SRCAP: variants seen among roughly 807,000 people sequenced by gnomAD.
The protein encoded by SRCAP is Snf2 related CREBBP activator protein.
In SRCAP, 46 loss-of-function variants were observed where a neutral mutation model predicts 263.1. The observed-to-expected ratio is 0.17, with a 90% CI of 0.14 to 0.22. The LOEUF (loss-of-function observed/expected upper bound fraction) is 0.22. SRCAP is among the 10% of genes least tolerant of loss of function. The probability of loss-of-function intolerance (pLI) is 1.00; values close to 1 mark genes in which losing one functional copy is unlikely to be tolerated. For synonymous variants in SRCAP, 1,813 were observed against 1,662.1 expected, an observed-to-expected ratio of 1.09 and a Z score of -2.21; for missense variants, 3,695 against 4,181.9, an observed-to-expected ratio of 0.88 and a Z score of 3.21.
In SRCAP at chr16:30,723,142, C is replaced by T. The variant is rs1297455262; in HGVS notation, c.4072C>T (p.Leu1358=). ...LTPGRLPTPT[L]GTARAPMPTP... Reference sequence around the variant, plus strand: ...CCCTGGCCGGCTACCCACACCTACTCTGGGTACTGCTCGAGCCCCCATGCC... The same window carrying T: ...CCCTGGCCGGCTACCCACACCTACTTTGGGTACTGCTCGAGCCCCCATGCC... Residue 1358 remains leucine (L), a synonymous_variant, in exon 24 of 34, where the codon CTG becomes TTG. Transcript: ENST00000262518. 1.2e-6 allele frequency: 2 copies of T among 1,614,026 alleles called. No individual in the cohort carries two copies. Among genetic ancestry groups the T allele is most frequent in the Non-Finnish European group, 1.7e-6 (2 of 1,180,044 alleles).
chr16:30,725,252 A>G (rs1408468102), intron 25 of SRCAP, 170 bp downstream of exon 25: 3 of 1,340,176 alleles, frequency 2.2e-6, no homozygotes, highest in African/African-American at 3.0e-5. Flanking sequence ...CTGGGCGTGT[A>G]CCTCATGATC....
intron 18 of SRCAP, 131 bp from the exon 19 acceptor site, chr16:30,720,031 T>A: frequency 1.1e-6 from 1 of 941,674 alleles, no homozygotes; most frequent in Non-Finnish European, 1.6e-6. Context: ...CACTTGTGAG[T>A]GAGTACATGT....
At chr16:30,705,112 C>A (rs1399689960) in intron 4 of SRCAP, among the ~76,000 whole-genome samples, 1 of 152,088 alleles carries the variant, frequency 6.6e-6, no homozygotes, top group Non-Finnish European at 1.5e-5. Context: ...ACCAGCCTGG[C>A]CAACGTGGCA....
At position 30,700,070 on chromosome 16, in the gene SRCAP, A is replaced by G. The variant is rs1177361906; in HGVS notation, c.-210+89A>G. The stretch of plus-strand genomic sequence containing the variant: ...TTATAGGTCCGTATTGGGGATTTTC[A>G]CTCTAGAGAAGCATGGGAATGTTTG... On this transcript the variant is annotated intron_variant, in intron 2 of 33. Transcript: ENST00000262518. The G allele has an allele frequency of 2.6e-5, 4 of 152,044 alleles. No homozygotes were observed. In the East Asian group the frequency reaches 7.7e-4, roughly 29 times the overall value. 9.4% of individuals were successfully genotyped at this position (152,044 alleles called of 1,614,324 possible).
chr16:30,704,291 C>T lies in SRCAP; in HGVS notation c.282C>T (p.Ala94=), dbSNP rs370329618. ...GCCCGAAGTGGGAGAAGAGCCATGC[C>T]GAAATTGCAGAACAGGCCAAGCATG... ...NKGPKWEKSH[A]EIAEQAKHEA... is the part of the protein sequence containing the mutation. The change falls in exon 4 of 34, where the codon GCC becomes GCT. Residue 94 remains alanine, a synonymous_variant. Transcript: ENST00000262518. 2.9e-5 allele frequency: 47 copies of T among 1,611,814 alleles called. No individual in the cohort carries two copies. Among genetic ancestry groups the T allele is most frequent in the Non-Finnish European group, 3.7e-5 (44 of 1,178,454 alleles).
Position 30,729,288 on chromosome 16 carries a change from G to C in SRCAP, c.5924+57G>C, listed in dbSNP as rs996744200. The C allele has an allele frequency of 1.8e-5, 29 of 1,599,250 alleles. No homozygotes were observed. The African/African-American group carries it at 3.1e-4, about 17-fold the overall frequency. On this transcript the variant is annotated intron_variant, in intron 26 of 33. Transcript: ENST00000262518. ...GTCTTGGGGCCTCAGAGTGGATGTA[G>C]TGCTTAGGGCTGGTGAAGGTGTTAA...
intron 18 of SRCAP, among the ~76,000 whole-genome samples, chr16:30,719,280 A>G (rs2052986198): frequency 6.6e-6 from 1 of 151,386 alleles, no homozygotes; most frequent in East Asian, 1.9e-4. Flanking sequence ...CAGTGGCACG[A>G]TCTTGGCTCA....
chr16:30,705,808 G>A (rs149949703), intron 4 of SRCAP, among the ~76,000 whole-genome samples: 2,563 of 151,590 alleles, frequency 0.017, 23 homozygotes, highest in Non-Finnish European at 0.024. Context: ...CTGGGTTCAC[G>A]CCATTCTCCT....
rs560375220 is a variant in SRCAP, at chr16:30,723,071, C to T, written c.4001C>T (p.Pro1334Leu). ...CCATTGGCCCCAGCACCCCGGCCTC[C>T]GAGCTCTGGGCTTCCAGCTGTGTTG... Reference protein sequence around the residue: ...VPPLAPAPRPPSSGLPAVLNP... With the variant: ...VPPLAPAPRPLSSGLPAVLNP... Residue 1334 changes from proline (P) to leucine (L), a missense_variant, in exon 24 of 34, where the codon CCG becomes CTG. Coordinates refer to ENST00000262518, the MANE Select transcript of SRCAP (RefSeq NM_006662.3). 55 of 1,613,976 alleles carry T rather than the reference C, an allele frequency of 3.4e-5. No homozygotes were observed. In the Middle Eastern group the frequency reaches 6.6e-4, roughly 19 times the overall value.
chr16:30,739,781 T>C lies in SRCAP; in HGVS notation c.*48T>C. ...CTTTCCACCGTGGCCACTCCCTCCATGACCAGGCCTGACTCTGTTAACCAC... is the reference window on the plus strand; with the variant it reads ...CTTTCCACCGTGGCCACTCCCTCCACGACCAGGCCTGACTCTGTTAACCAC... On this transcript the variant is annotated 3_prime_UTR_variant, in exon 34 of 34. Transcript: ENST00000262518. 6.9e-7 allele frequency: 1 copy of C among 1,448,024 alleles called. No homozygotes were observed. 89.7% of individuals were successfully genotyped at this position (1,448,024 alleles called of 1,614,324 possible).
At chr16:30,706,819 T>G (rs1349273095) in intron 4 of SRCAP, among the ~76,000 whole-genome samples, 1 of 152,176 alleles carries the variant, frequency 6.6e-6, no homozygotes, top group Non-Finnish European at 1.5e-5. Flanking sequence ...GAAGCTCCTC[T>G]TGGGATATGA....
chr16:30,733,548 C>G lies in SRCAP; in HGVS notation c.6298-54C>G. ...GACGGGGTGCCACTAAGCCTTTAGA[C>G]CTGTTTTGGGGGATAAGTCTCCCAG... On this transcript the variant is annotated intron_variant, in intron 28 of 33. Coordinates refer to ENST00000262518, the MANE Select transcript of SRCAP (RefSeq NM_006662.3). This position sits in a 1 kb window ranked among gnomAD's most constrained non-coding sequence, Gnocchi z 5.3. The G allele has an allele frequency of 6.2e-7, 1 of 1,603,780 alleles. No individual in the cohort carries two copies. Among genetic ancestry groups the G allele is most frequent in the Non-Finnish European group, 8.5e-7 (1 of 1,173,560 alleles).
rs545761042 is a variant in SRCAP at position 30,716,925 on chromosome 16, A to G, written c.2817+446A>G. ...GTCTCTTGTGAATAAGGCTATGAAC[A>G]TAGGTGTACAAATATCTCTGCTTTT... On this transcript the variant is annotated intron_variant, in intron 18 of 33. Transcript: ENST00000262518. 3.9e-5 allele frequency among the ~76,000 whole-genome samples: 6 copies of G among 152,360 alleles called. No homozygotes were observed. In the South Asian group the frequency reaches 1.2e-3, roughly 32 times the overall value.
intron 2 of SRCAP, 64 bp from the exon 3 acceptor site, chr16:30,700,552 A>G (rs2052754711): frequency 2.8e-6 from 1 of 352,582 alleles, no homozygotes; most frequent in Admixed American, 4.4e-5. Flanking sequence ...GGTTTTTTAA[A>G]AATACTTTTT....
rs2053017760 is a variant in SRCAP, at chr16:30,722,179, A to C, written c.3599A>C (p.Asn1200Thr). The C allele has an allele frequency of 6.2e-7, 1 of 1,614,056 alleles. No individual in the cohort carries two copies. The highest frequency in any genetic ancestry group is 1.7e-5 in the Admixed American group (1 of 59,996). The change falls in exon 22 of 34, where the codon AAT (asparagine) becomes ACT (threonine). Residue 1200 changes from asparagine (N) to threonine (T), a missense_variant. Asn to Thr is a moderately conservative substitution (Grantham distance 65, BLOSUM62 0). Around this residue, in one of 12 missense-constraint regions of SRCAP, gnomAD observed 1,347 missense variants for 1,304.4 expected, o/e 1.03. Coordinates refer to ENST00000262518, the MANE Select transcript of SRCAP (RefSeq NM_006662.3). ...TCACTGGCACAACGTCCAGTGGCTAATGCAGGGGGAAGCAAACCTCTCACC... is the reference window on the plus strand; with the variant it reads ...TCACTGGCACAACGTCCAGTGGCTACTGCAGGGGGAAGCAAACCTCTCACC... ...LASLAQRPVA[N>T]AGGSKPLTFQ...
chr16:30,711,892 C>T lies in SRCAP; in HGVS notation c.1550C>T (p.Thr517Ile). Residue 517 changes from threonine (T) to isoleucine (I), a missense_variant, in exon 12 of 34, where the codon ACA (threonine) becomes ATA (isoleucine). By Grantham distance (89) the Thr-to-Ile change is moderately conservative. Coordinates refer to ENST00000262518, the MANE Select transcript of SRCAP (RefSeq NM_006662.3). ...EEDEHSEEEE[T>I]SGSSASEESE... ...GATGAACATTCAGAGGAGGAAGAAA[C>T]AAGTGGAAGTTCAGCATCAGAGGAA... 1 of 1,613,706 alleles carries T rather than the reference C, an allele frequency of 6.2e-7. No individual in the cohort carries two copies. The highest frequency in any genetic ancestry group is 8.5e-7 in the Non-Finnish European group (1 of 1,179,978).
In SRCAP at chr16:30,737,760, ACCT is replaced by A. The variant is rs797046007; in HGVS notation, c.7725_7727del (p.Ser2576del). On this transcript the variant is annotated inframe_deletion, in exon 34 of 34. Coordinates refer to ENST00000262518, the MANE Select transcript of SRCAP (RefSeq NM_006662.3). Reference sequence around the variant, plus strand: ...GCTGGCTTCTGTGGCCAGTTCAGAAACCTCCTCACTTTCTCTTGTGCCCCCTAA... The same window carrying A: ...GCTGGCTTCTGTGGCCAGTTCAGAAACCTCACTTTCTCTTGTGCCCCCTAA... 85 of 1,613,868 alleles carry A rather than the reference ACCT, an allele frequency of 5.3e-5. No individual in the cohort carries two copies. Among genetic ancestry groups the A allele is most frequent in the Non-Finnish European group, 6.8e-5 (80 of 1,180,016 alleles).
intron 6 of SRCAP, 58 bp from the exon 7 acceptor site, chr16:30,709,453 GTA>G: frequency 6.3e-7 from 1 of 1,587,352 alleles, no homozygotes; most frequent in African/African-American, 1.3e-5. Context: ...TAAACATCGG[GTA>G]AAAGTACATA....
intron 16 of SRCAP, among the ~76,000 whole-genome samples, 189 bp downstream of exon 16, chr16:30,713,900 G>GTTT (rs34824568): frequency 1.3e-4 from 18 of 138,946 alleles, no homozygotes; most frequent in East Asian, 6.3e-4. Context: ...CATCAATTCT[G>GTTT]TTTTTTTTTT....
Sources: gnomAD v4.1 joint callset for allele counts (sites outside exome capture counted in the v4.1 genomes callset) on GRCh38, gnomAD v4.1.1 for gene constraint, gnomAD v4.1.1 regional missense constraint, Gnocchi (gnomAD v3.1) non-coding constraint, MANE v1.5 for transcripts, NCBI Gene and HGNC (gene_info 2026-07-23, HGNC 2026-07-21) for gene names.